MIPOL1: variants seen among roughly 807,000 people sequenced by gnomAD.
MIPOL1 encodes the protein mirror-image polydactyly 1.
Under a neutral mutation model 60.9 loss-of-function variants are expected in MIPOL1, and 57 were observed. That is an observed-to-expected ratio of 0.94 (90% CI 0.76 to 1.17). The LOEUF (loss-of-function observed/expected upper bound fraction) is 1.17. MIPOL1 is among the 50% of genes most tolerant of loss of function. MIPOL1 has a pLI of 0.00. For missense variants in MIPOL1, 551 were observed against 511.6 expected, an observed-to-expected ratio of 1.08 and a Z score of -0.74; for synonymous variants, 179 against 168.8, an observed-to-expected ratio of 1.06 and a Z score of -0.47.
intron 12 of MIPOL1, among the ~76,000 whole-genome samples, chr14:37,519,789 T>C (rs1331277548): frequency 6.6e-6 from 1 of 152,132 alleles, no homozygotes; most frequent in Non-Finnish European, 1.5e-5. Flanking sequence ...TATTGAATGG[T>C]ATTTTATGTT....
chr14:37,541,986 C>G (rs1279197128), intron 12 of MIPOL1, among the ~76,000 whole-genome samples: 2 of 152,164 alleles, frequency 1.3e-5, no homozygotes, highest in African/African-American at 4.8e-5. Flanking sequence ...CATACGTCCC[C>G]TTGTAACTAC....
intron 1 of MIPOL1, among the ~76,000 whole-genome samples, chr14:37,207,270 C>G (rs1033600576): frequency 7.2e-5 from 11 of 151,822 alleles, no homozygotes; most frequent in African/African-American, 1.5e-4. Flanking sequence ...TTTATAGAAC[C>G]CTTTCGCTTG....
intron 9 of MIPOL1, among the ~76,000 whole-genome samples, chr14:37,324,832 C>T (rs1015034180): frequency 8.6e-5 from 13 of 151,992 alleles, no homozygotes; most frequent in African/African-American, 3.1e-4. Flanking sequence ...GCTTTCATGC[C>T]ATTGAAACAA....
rs918108537 is a variant in MIPOL1, at chr14:37,232,374, A to G, written c.-198-14729A>G. On this transcript the variant is annotated intron_variant, in intron 1 of 12. Coordinates refer to ENST00000684589, the MANE Select transcript of MIPOL1 (RefSeq NM_001388067.1). ...AGTGTACTCTCTGTCCCTTATTAGT[A>G]TCTTGCTACACATGTTCAGTCATCT... Among the ~76,000 whole-genome samples, 3 of 152,174 alleles carry G rather than the reference A, an allele frequency of 2.0e-5. No homozygotes were observed. The East Asian group carries it at 5.8e-4, about 29-fold the overall frequency.
chr14:37,351,057 C>T lies in MIPOL1; in HGVS notation c.829-18460C>T, dbSNP rs1034845174. 8.4e-5 allele frequency among the ~76,000 whole-genome samples: 7 copies of T among 82,964 alleles called. 1 individual carries two copies. Among genetic ancestry groups the T allele is most frequent in the Middle Eastern group, 0.012 (2 of 166 alleles). 54.4% of individuals were successfully genotyped at this position (82,964 alleles called of 152,430 possible). A position where few individuals can be genotyped will look rare whatever the true frequency, so the allele number is the denominator to read the frequency against. ...ATATCTCCCAATGCTATCCCTCCCCCCTCCCCCCACCCCACAACGGTCCCC... is the reference window on the plus strand; with the variant it reads ...ATATCTCCCAATGCTATCCCTCCCCTCTCCCCCCACCCCACAACGGTCCCC... On this transcript the variant is annotated intron_variant, in intron 9 of 12. Coordinates refer to ENST00000684589, the MANE Select transcript of MIPOL1 (RefSeq NM_001388067.1).
intron 10 of MIPOL1, among the ~76,000 whole-genome samples, chr14:37,376,540 TC>T (rs1362365429): frequency 2.0e-5 from 3 of 151,822 alleles, no homozygotes; most frequent in African/African-American, 4.8e-5. Context: ...TCTCTCTTGC[TC>T]AAAAAAAAAT....
At position 37,325,960 on chromosome 14, in the gene MIPOL1, A is replaced by G. The variant is rs189259449; in HGVS notation, c.828+17441A>G. ...TGTCCTCCCGCGAAAGCTTTTCTCC[A>G]TTTGGAACTAAGATGCTTGAATTAA... On this transcript the variant is annotated intron_variant, in intron 9 of 12. Transcript: ENST00000684589. Among the ~76,000 whole-genome samples, 139 of 152,248 alleles carry G rather than the reference A, an allele frequency of 9.1e-4. 1 individual carries two copies. The highest frequency in any genetic ancestry group is 1.6e-3 in the Non-Finnish European group (107 of 68,004).
intron 12 of MIPOL1, among the ~76,000 whole-genome samples, chr14:37,522,122 A>T (rs2153631638): frequency 6.6e-6 from 1 of 151,958 alleles, no homozygotes; most frequent in South Asian, 2.1e-4. Flanking sequence ...AACATTTTTA[A>T]ATACTTTTAT....
chr14:37,199,171 A>T (rs536923747), intron 1 of MIPOL1, among the ~76,000 whole-genome samples: 2 of 152,228 alleles, frequency 1.3e-5, no homozygotes, highest in East Asian at 1.9e-4. Context: ...GTAAGTGTAC[A>T]GCTCGGTGAA....
At chr14:37,369,758 A>T (rs1286079843) in intron 10 of MIPOL1, 134 bp downstream of exon 10, 2 of 526,904 alleles carry the variant, frequency 3.8e-6, no homozygotes, top group East Asian at 6.2e-5. Flanking sequence ...CCTTCTTTAA[A>T]CACAGATACA....
intron 1 of MIPOL1, among the ~76,000 whole-genome samples, chr14:37,203,406 T>G (rs1965612647): frequency 6.6e-6 from 1 of 152,220 alleles, no homozygotes; most frequent in African/African-American, 2.4e-5. Context: ...CTTCTCAGTT[T>G]AGTCACATAG....
At chr14:37,473,869 AAATACT>A (rs2094725857) in intron 11 of MIPOL1, among the ~76,000 whole-genome samples, 2 of 152,138 alleles carry the variant, frequency 1.3e-5, no homozygotes, top group African/African-American at 2.4e-5. Flanking sequence ...TAAAATACTA[AAATACT>A]AAAGCACATA....
chr14:37,345,986 A>T (rs991204487), intron 9 of MIPOL1, among the ~76,000 whole-genome samples: 1 of 152,176 alleles, frequency 6.6e-6, no homozygotes, highest in Non-Finnish European at 1.5e-5. Context: ...TATCTTCTCT[A>T]GCATTTGTCC....
intron 11 of MIPOL1, among the ~76,000 whole-genome samples, chr14:37,426,438 G>A (rs138678985): frequency 0.018 from 2,758 of 150,746 alleles, 29 homozygotes; most frequent in Middle Eastern, 0.041. Context: ...GTGTAGTGGC[G>A]GACACCTGTA....
intron 9 of MIPOL1, among the ~76,000 whole-genome samples, chr14:37,351,886 C>T (rs1247788690): frequency 2.6e-5 from 4 of 151,154 alleles, no homozygotes; most frequent in Non-Finnish European, 4.4e-5. Context: ...GGTAGTTTCT[C>T]TTGCTGTGCA....
chr14:37,393,399 TGTTTTTG>T (rs1382243520), intron 10 of MIPOL1, among the ~76,000 whole-genome samples: 1 of 61,842 alleles, frequency 1.6e-5, no homozygotes, highest in Non-Finnish European at 4.0e-5. Flanking sequence ...TGTTTTGTTT[TGTTTTTG>T]TGTGTGTGTG....
At chr14:37,302,294 T>C (rs1395091262) in intron 7 of MIPOL1, among the ~76,000 whole-genome samples, 1 of 145,040 alleles carries the variant, frequency 6.9e-6, no homozygotes, top group Non-Finnish European at 1.5e-5. Context: ...TTGTTTTGGA[T>C]GTTAGACATT....
intron 11 of MIPOL1, among the ~76,000 whole-genome samples, chr14:37,433,081 CTCAGGG>C (rs1283614706): frequency 2.0e-5 from 3 of 152,154 alleles, no homozygotes; most frequent in African/African-American, 7.2e-5. Context: ...TTATTTTTGA[CTCAGGG>C]TCTCGCTCTG....
intron 4 of MIPOL1, among the ~76,000 whole-genome samples, chr14:37,268,201 A>G (rs1480671584): frequency 1.3e-5 from 2 of 152,224 alleles, no homozygotes; most frequent in African/African-American, 4.8e-5. Flanking sequence ...TAGATATGTT[A>G]ATAGATAGTA....
Sources: allele counts gnomAD v4.1 joint callset (sites outside exome capture counted in the v4.1 genomes callset), GRCh38; gene constraint gnomAD v4.1.1; transcripts MANE v1.5; gene names NCBI Gene and HGNC (gene_info 2026-07-23, HGNC 2026-07-21).